Variants in DARS2 observed in about 807,000 individuals in gnomAD.
The protein encoded by DARS2 is aspartyl-tRNA synthetase 2, mitochondrial.
Under a neutral mutation model 83.0 loss-of-function variants are expected in DARS2, and 63 were observed. That is an observed-to-expected ratio of 0.76 (90% CI 0.62 to 0.94). The LOEUF is 0.94. Among genes scored for constraint, DARS2 ranks in the 40% least tolerant of loss-of-function variants. DARS2 has a pLI of 0.00. For missense variants in DARS2, 675 were observed against 774.4 expected, an observed-to-expected ratio of 0.87 and a Z score of 1.52; for synonymous variants, 250 against 269.3, an observed-to-expected ratio of 0.93 and a Z score of 0.70.
chr1:173,839,680 G>A (rs1653136597), intron 10 of DARS2, 134 bp downstream of exon 10: 1 of 792,488 alleles, frequency 1.3e-6, no homozygotes, highest in Non-Finnish European at 2.1e-6. Context: ...CGTTGTTACA[G>A]AGCTAGAGCA....
chr1:173,849,837 C>CT (rs952632747), intron 12 of DARS2, among the ~76,000 whole-genome samples: 1 of 148,910 alleles, frequency 6.7e-6, no homozygotes, highest in African/African-American at 2.5e-5. Context: ...TCCCCTCCCC[C>CT]TTTTTTTCAT....
chr1:173,826,664 T>G, intron 1 of DARS2, 23 bp from the exon 2 acceptor site: 1 of 1,486,644 alleles, frequency 6.7e-7, no homozygotes, highest in Admixed American at 1.9e-5. Flanking sequence ...TTTTAAAGTT[T>G]CTTTTTTTTT....
At chr1:173,847,016 A>G (rs1356688774) in intron 12 of DARS2, among the ~76,000 whole-genome samples, 1 of 152,166 alleles carries the variant, frequency 6.6e-6, no homozygotes, top group Non-Finnish European at 1.5e-5. Flanking sequence ...AAAACACTAT[A>G]TTTGTATATT....
At chr1:173,851,773 C>G (rs1011125376) in intron 13 of DARS2, 2 of 918,202 alleles carry the variant, frequency 2.2e-6, no homozygotes, top group African/African-American at 3.6e-5. Context: ...GTGTGTCTAA[C>G]TAGTACTTCA....
rs1230092485 is a variant in DARS2, at chr1:173,857,518, G to A, written c.1751G>A (p.Gly584Glu). The change falls in exon 17 of 17, where the codon GGG becomes GAG. Residue 584 changes from glycine to glutamate, a missense_variant and splice_region_variant. Transcript: ENST00000649689. ...TGTTATCTTTGTATTTTACTCACAG[G>A]GTTAGACAGACTGATATGCCTTGTC... ...GAPPHGGIAL[G>E]LDRLICLVTG... The A allele has an allele frequency of 2.5e-6, 4 of 1,613,496 alleles. No individual in the cohort carries two copies. Among genetic ancestry groups the A allele is most frequent in the African/African-American group, 2.7e-5 (2 of 74,848 alleles).
In DARS2 at chr1:173,833,388, C is replaced by T. The variant is rs1064794825; in HGVS notation, c.505C>T (p.Leu169Phe). Residue 169 changes from leucine (L) to phenylalanine (F), a missense_variant, in exon 6 of 17, where the codon CTT becomes TTT. By Grantham distance (22) the Leu-to-Phe change is conservative. Coordinates refer to ENST00000649689, the MANE Select transcript of DARS2 (RefSeq NM_018122.5). ...IKNFVKKTEA[L>F]RLQYRYLDLR... is the part of the protein sequence containing the mutation. ...TCAATTTCTTTAGAAAACAGAGGCT[C>T]TTCGGTTGCAGTATCGCTACTTAGA... 1 of 1,606,604 alleles carries T rather than the reference C, an allele frequency of 6.2e-7. No individual in the cohort carries two copies. Among genetic ancestry groups the T allele is most frequent in the Non-Finnish European group, 8.5e-7 (1 of 1,176,272 alleles).
intron 13 of DARS2, chr1:173,851,961 C>T: frequency 1.0e-6 from 1 of 985,262 alleles, no homozygotes. Context: ...TAAAAAAGAA[C>T]ATGGGATTTT....
intron 2 of DARS2, 105 bp from the exon 3 acceptor site, chr1:173,828,221 AGAAACAT>A (rs1652657962): frequency 2.2e-5 from 23 of 1,054,294 alleles, no homozygotes; most frequent in Non-Finnish European, 3.1e-5. Context: ...ATCATAAAAA[AGAAACAT>A]GAAAAATTGC....
At chr1:173,835,361 G>A (rs1307356258) in intron 7 of DARS2, among the ~76,000 whole-genome samples, 1 of 151,254 alleles carries the variant, frequency 6.6e-6, no homozygotes, top group African/African-American at 2.4e-5. Context: ...AAAGTGCTGG[G>A]ATTACAGGCG....
At chr1:173,825,407 C>T (rs755478438) in intron 1 of DARS2, 51 bp downstream of exon 1, 2 of 1,581,008 alleles carry the variant, frequency 1.3e-6, no homozygotes, top group Non-Finnish European at 1.7e-6. Flanking sequence ...AGCCTGTTAT[C>T]TACGGCCGGA....
chr1:173,845,421 C>A, intron 12 of DARS2, 130 bp downstream of exon 12: 1 of 587,906 alleles, frequency 1.7e-6, no homozygotes, highest in Non-Finnish European at 3.0e-6. Flanking sequence ...CTTTTATTTA[C>A]TTTTTATTTT....
intron 12 of DARS2, among the ~76,000 whole-genome samples, chr1:173,846,287 C>T (rs965078751): frequency 3.3e-5 from 5 of 151,968 alleles, no homozygotes; most frequent in South Asian, 4.1e-4. Flanking sequence ...GCTGAGATCA[C>T]GCCACTGCAC....
intron 2 of DARS2, 111 bp from the exon 3 acceptor site, chr1:173,828,218 AAAAG>A (rs1652657778): frequency 1.2e-5 from 12 of 1,040,970 alleles, no homozygotes; most frequent in South Asian, 3.0e-5. Flanking sequence ...ATTATCATAA[AAAAG>A]AAACATGAAA....
intron 7 of DARS2, among the ~76,000 whole-genome samples, chr1:173,835,348 C>T (rs970249072): frequency 6.6e-6 from 1 of 151,378 alleles, no homozygotes; most frequent in Non-Finnish European, 1.5e-5. Context: ...GCCTCAGCCT[C>T]CCAAAGTGCT....
At chr1:173,846,157 C>CAA (rs1226953002) in intron 12 of DARS2, among the ~76,000 whole-genome samples, 7 of 132,324 alleles carry the variant, frequency 5.3e-5, no homozygotes, top group Admixed American at 7.6e-5. Context: ...GACTCTGTCT[C>CAA]AAAAAAAAAA....
Position 173,828,322 on chromosome 1 carries a change from C to T in DARS2, c.228-11C>T, listed in dbSNP as rs368644758. 8 of 1,379,782 alleles carry T rather than the reference C, an allele frequency of 5.8e-6. No individual in the cohort carries two copies. The highest frequency in any genetic ancestry group is 1.2e-5 in the South Asian group (1 of 86,256). The allele number at this position is 1,379,782 out of a possible 1,614,324, so 85.5% of individuals were successfully genotyped here. ...CTTAAAATGTTTCTTTTCCCCCCCC[C>T]CATTAATCAGGCAAAACACATTCTT... On this transcript the variant is annotated splice_polypyrimidine_tract_variant and intron_variant, in intron 2 of 16. Transcript: ENST00000649689.
At chr1:173,832,873 A>G (rs1652846314) in intron 5 of DARS2, among the ~76,000 whole-genome samples, 1 of 151,846 alleles carries the variant, frequency 6.6e-6, no homozygotes, top group African/African-American at 2.4e-5. Context: ...ACTTGTAGTC[A>G]GCGTCCCATT....
intron 15 of DARS2, among the ~76,000 whole-genome samples, 159 bp from the exon 16 acceptor site, chr1:173,856,507 T>G (rs528780762): frequency 1.3e-3 from 194 of 152,352 alleles, no homozygotes; most frequent in Non-Finnish European, 2.1e-3. Context: ...TTAAGGTAAT[T>G]TTTTCTTTAC....
intron 11 of DARS2, among the ~76,000 whole-genome samples, chr1:173,843,526 C>T (rs889925635): frequency 6.6e-6 from 1 of 152,170 alleles, no homozygotes; most frequent in South Asian, 2.1e-4. Context: ...CCTCACTGCA[C>T]TCCAGCCTGG....
Sources: gnomAD v4.1 joint callset for allele counts (sites outside exome capture counted in the v4.1 genomes callset) on GRCh38, gnomAD v4.1.1 for gene constraint, MANE v1.5 for transcripts, NCBI Gene and HGNC (gene_info 2026-07-23, HGNC 2026-07-21) for gene names.